ALS2CL: variants seen among roughly 807,000 people sequenced by gnomAD.
The protein encoded by ALS2CL is ALS2 C-terminal like, also known as ALS2 C-terminal-like protein.
Under a neutral mutation model 127.9 loss-of-function variants are expected in ALS2CL, and 112 were observed. The ratio of observed to expected loss-of-function variants is 0.88; its 90% CI spans 0.75 to 1.02. The LOEUF is 1.02. ALS2CL is among the 50% of genes least tolerant of loss of function. The pLI is 0.00. For synonymous variants in ALS2CL, 519 were observed against 527.6 expected (o/e 0.98, Z 0.22); for missense variants, 1,174 against 1,236.7 (o/e 0.95, Z 0.76).
At chr3:46,684,286 C>T (rs1408426028) in intron 7 of ALS2CL, among the ~76,000 whole-genome samples, 2 of 152,216 alleles carry the variant, frequency 1.3e-5, no homozygotes, top group African/African-American at 4.8e-5. Context: ...CCCCCTGTGG[C>T]TACCAGAGTG....
chr3:46,686,957 C>T lies in ALS2CL; in HGVS notation c.534+26G>A. On this transcript the variant is annotated intron_variant, in intron 5 of 25. Coordinates refer to ENST00000318962, the MANE Select transcript of ALS2CL (RefSeq NM_147129.5). The surrounding 1 kb of genome is among the most constrained non-coding windows in gnomAD (Gnocchi z 4.3). ...TATCCCTCCCTTCCCTCGGCTTCCC[C>T]ACATGCTGCTGCCCCTGGTACCCAC... 2 of 1,559,738 alleles carry T rather than the reference C, an allele frequency of 1.3e-6. No individual in the cohort carries two copies. Among genetic ancestry groups the T allele is most frequent in the Non-Finnish European group, 1.7e-6 (2 of 1,156,824 alleles).
At position 46,672,177 on chromosome 3, in the gene ALS2CL, A is replaced by C. The variant is rs1559455501; in HGVS notation, c.2497T>G (p.Cys833Gly). 4 of 1,613,728 alleles carry C rather than the reference A, an allele frequency of 2.5e-6. No individual in the cohort carries two copies. Among genetic ancestry groups the C allele is most frequent in the Admixed American group, 3.3e-5 (2 of 59,986 alleles). Residue 833 changes from cysteine to glycine, a missense_variant, in exon 23 of 26, where the codon TGT becomes GGT. Coordinates refer to ENST00000318962, the MANE Select transcript of ALS2CL (RefSeq NM_147129.5). ...NQRYSLVRDK[C>G]FLSATECLQK... Reference sequence around the variant, plus strand: ...AGGCACTCGGTGGCTGACAGGAAACACTTGTCCCTGACCAGGGAGTACCTC... The same window carrying C: ...AGGCACTCGGTGGCTGACAGGAAACCCTTGTCCCTGACCAGGGAGTACCTC...
chr3:46,675,685 C>G lies in ALS2CL; in HGVS notation c.2188G>C (p.Gly730Arg). The stretch of plus-strand genomic sequence containing the variant: ...CGCTCTAAGGCAACTCGCAGCAGAC[C>G]CCTGTGAGTCAATGAGAGAGAAATG... ...HAQELWAAYR[G>R]LLRVALERKG... Residue 730 changes from glycine (G) to arginine (R), a missense_variant and splice_region_variant, in exon 20 of 26, where the codon GGT becomes CGT. Gly to Arg is a moderately radical substitution (Grantham distance 125, BLOSUM62 -2). Coordinates refer to ENST00000318962, the MANE Select transcript of ALS2CL (RefSeq NM_147129.5). The G allele has an allele frequency of 2.5e-6, 4 of 1,613,614 alleles. No individual in the cohort carries two copies. The highest frequency in any genetic ancestry group is 3.4e-6 in the Non-Finnish European group (4 of 1,180,020).
Position 46,676,321 on chromosome 3 carries a change from C to G in ALS2CL, c.2110G>C (p.Gly704Arg), listed in dbSNP as rs565114772. 6.2e-7 allele frequency: 1 copy of G among 1,613,806 alleles called. No homozygotes were observed. Among genetic ancestry groups the G allele is most frequent in the South Asian group, 1.1e-5 (1 of 91,064 alleles). ...AGCTCCTGCAGGTGCTTGTTGGCCC[C>G]GACACCTGCGTAGGTAGCCTGGAAG... ...LTFQATYAGV[G>R]ANKHLQELAQ... Residue 704 changes from glycine to arginine, a missense_variant, in exon 19 of 26, where the codon GGG (glycine) becomes CGG (arginine). Transcript: ENST00000318962.
At chr3:46,678,936 C>G (rs537167616) in intron 15 of ALS2CL, among the ~76,000 whole-genome samples, 1 of 152,160 alleles carries the variant, frequency 6.6e-6, no homozygotes, top group South Asian at 2.1e-4. Flanking sequence ...TGGTGGAGGG[C>G]GTGTATTCTG....
rs537730786 is a variant in ALS2CL, at chr3:46,671,022, G to A, written c.2824C>T (p.Arg942Cys). 3.1e-5 allele frequency: 50 copies of A among 1,614,198 alleles called. No homozygotes were observed. The highest frequency in any genetic ancestry group is 2.6e-4 in the South Asian group (24 of 91,076). ...HIQKEDMRLHRLPGHWHSREL... is the reference protein window; with the variant it reads ...HIQKEDMRLHCLPGHWHSREL... Reference sequence around the variant, plus strand: ...CTGGAGTGCCAGTGGCCAGGTAAGCGGTGCAGCCTCATGTCTTCTTTCTGG... The same window carrying A: ...CTGGAGTGCCAGTGGCCAGGTAAGCAGTGCAGCCTCATGTCTTCTTTCTGG... Residue 942 changes from arginine to cysteine, a missense_variant, in exon 26 of 26, where the codon CGC becomes TGC. Transcript: ENST00000318962.
At chr3:46,691,685 AT>A (rs1234050007) in intron 1 of ALS2CL, among the ~76,000 whole-genome samples, 1 of 140,066 alleles carries the variant, frequency 7.1e-6, no homozygotes, top group African/African-American at 2.7e-5. Context: ...AGATCACAGC[AT>A]TTTTTTCTTT....
At chr3:46,680,926 C>G in intron 13 of ALS2CL, 1 of 549,614 alleles carries the variant, frequency 1.8e-6, no homozygotes, top group Admixed American at 3.1e-5. Flanking sequence ...GCTGTGATTG[C>G]CAGGCCAAGG....
chr3:46,677,359 T>G, intron 16 of ALS2CL: 1 of 1,115,208 alleles, frequency 9.0e-7, no homozygotes, highest in Non-Finnish European at 1.1e-6. Context: ...AAGTCTGGGA[T>G]TCCCCTCCAA....
At chr3:46,687,754 G>T in intron 3 of ALS2CL, 70 bp from the exon 4 acceptor site, 1 of 1,474,386 alleles carries the variant, frequency 6.8e-7, no homozygotes, top group Admixed American at 2.1e-5. Flanking sequence ...TGGTCCCTGG[G>T]ATCCCCAGAT....
intron 10 of ALS2CL, among the ~76,000 whole-genome samples, chr3:46,682,862 A>G (rs1699460489): frequency 6.6e-6 from 1 of 152,234 alleles, no homozygotes. Context: ...CACCCTCCTA[A>G]GAATGGAATG....
chr3:46,677,522 G>T, intron 16 of ALS2CL: 2 of 450,934 alleles, frequency 4.4e-6, no homozygotes, highest in Non-Finnish European at 5.9e-6. Context: ...TCACACCCAG[G>T]CTGGGGCCTG....
chr3:46,676,422 A>C lies in ALS2CL; in HGVS notation c.2029-20T>G. 1 of 1,613,086 alleles carries C rather than the reference A, an allele frequency of 6.2e-7. No individual in the cohort carries two copies. Among genetic ancestry groups the C allele is most frequent in the Non-Finnish European group, 8.5e-7 (1 of 1,179,442 alleles). On this transcript the variant is annotated intron_variant, in intron 18 of 25. Transcript: ENST00000318962. Reference sequence around the variant, plus strand: ...CAGAGCCTGGGCCAGTGCATAGGCAACAGAGAGAGACTAAGCACTGGGGTC... The same window carrying C: ...CAGAGCCTGGGCCAGTGCATAGGCACCAGAGAGAGACTAAGCACTGGGGTC...
At chr3:46,674,816 G>T in intron 20 of ALS2CL, 77 bp from the exon 21 acceptor site, 1 of 1,378,408 alleles carries the variant, frequency 7.3e-7, no homozygotes, top group Non-Finnish European at 9.7e-7. Flanking sequence ...GTCTCAAAGA[G>T]CTCCTAGTTC....
intron 1 of ALS2CL, 146 bp from the exon 2 acceptor site, chr3:46,689,611 C>A (rs993096183): frequency 3.4e-6 from 2 of 585,368 alleles, no homozygotes; most frequent in Non-Finnish European, 6.0e-6. Context: ...AAGGGGAGTT[C>A]CTGGACTGGC....
In ALS2CL at chr3:46,670,826, C is replaced by G. The variant is rs1698323300; in HGVS notation, c.*158G>C. 1.4e-5 allele frequency: 10 copies of G among 739,010 alleles called. No individual in the cohort carries two copies. The South Asian group carries it at 1.7e-4, about 12-fold the overall frequency. 45.8% of individuals were successfully genotyped at this position (739,010 alleles called of 1,614,324 possible). A position where few individuals can be genotyped will look rare whatever the true frequency, so the allele number is the denominator to read the frequency against. ...CACACCCGTCACCCCTCACCCTCATCCCAGTCAGGGCAGCAGCAGCATCTT... is the reference window on the plus strand; with the variant it reads ...CACACCCGTCACCCCTCACCCTCATGCCAGTCAGGGCAGCAGCAGCATCTT... On this transcript the variant is annotated 3_prime_UTR_variant, in exon 26 of 26. Coordinates refer to ENST00000318962, the MANE Select transcript of ALS2CL (RefSeq NM_147129.5). The surrounding 1 kb of genome is among the most constrained non-coding windows in gnomAD (Gnocchi z 5.5).
intron 2 of ALS2CL, 90 bp downstream of exon 2, chr3:46,689,248 T>C (rs1700001751): frequency 7.5e-7 from 1 of 1,339,298 alleles, no homozygotes; most frequent in Non-Finnish European, 1.1e-6. Flanking sequence ...TTGAGAAAGC[T>C]GTGGCTCAGC....
Position 46,685,525 on chromosome 3 carries a change from C to G in ALS2CL, c.786G>C (p.Gln262His), listed in dbSNP as rs1699693921. The G allele has an allele frequency of 6.2e-7, 1 of 1,613,552 alleles. No individual in the cohort carries two copies. Among genetic ancestry groups the G allele is most frequent in the Non-Finnish European group, 8.5e-7 (1 of 1,179,564 alleles). The change falls in exon 7 of 26, where the codon CAG becomes CAC. Residue 262 changes from glutamine to histidine, a missense_variant and splice_region_variant. Physicochemically the swap from Gln to His is conservative, Grantham distance 24. Coordinates refer to ENST00000318962, the MANE Select transcript of ALS2CL (RefSeq NM_147129.5). ...GACCTTGGGTCAGCCCCACCCCAAC[C>G]TGCAGCAGGACGAGGGCATCATCAA... ...LLFDDALVLL[Q>H]GHNVHTFDLK...
chr3:46,672,700 T>G (rs1284818722), intron 22 of ALS2CL, among the ~76,000 whole-genome samples: 1 of 152,168 alleles, frequency 6.6e-6, no homozygotes, highest in Non-Finnish European at 1.5e-5. Flanking sequence ...CACAACAATT[T>G]TGAGGTGGTT....
Sources: gnomAD v4.1 joint callset for allele counts (sites outside exome capture counted in the v4.1 genomes callset) on GRCh38, gnomAD v4.1.1 for gene constraint, Gnocchi (gnomAD v3.1) non-coding constraint, MANE v1.5 for transcripts, NCBI Gene and HGNC (gene_info 2026-07-23, HGNC 2026-07-21) for gene names.